Variants in CPQ observed in about 807,000 individuals in gnomAD.
The protein encoded by CPQ is Ser-Met dipeptidase.
In CPQ, 37 loss-of-function variants were observed where a neutral mutation model predicts 45.7. The observed-to-expected ratio is 0.81, with a 90% confidence interval of 0.62 to 1.07. The LOEUF is 1.07. Among genes scored for constraint, CPQ ranks in the 50% least tolerant of loss-of-function variants. The pLI is 0.00. For missense variants in CPQ, 537 were observed against 572.9 expected (o/e 0.94, Z 0.64); for synonymous variants, 186 against 205.8 (o/e 0.90, Z 0.82).
chr8:96,958,989 C>T (rs1318704323), intron 4 of CPQ, among the ~76,000 whole-genome samples: 1 of 151,484 alleles, frequency 6.6e-6, no homozygotes, highest in Non-Finnish European at 1.5e-5. Context: ...CCTCTGAACA[C>T]ACCCTGTATG....
chr8:96,985,935 A>C (rs1258963027), intron 5 of CPQ, among the ~76,000 whole-genome samples: 2 of 152,148 alleles, frequency 1.3e-5, no homozygotes, highest in Non-Finnish European at 2.9e-5. Flanking sequence ...TAAAGATATA[A>C]TTTTTCTATG....
At chr8:97,082,714 T>G (rs1810971525) in intron 7 of CPQ, among the ~76,000 whole-genome samples, 1 of 152,130 alleles carries the variant, frequency 6.6e-6, no homozygotes, top group African/African-American at 2.4e-5. Flanking sequence ...CACAGGCAAA[T>G]GAGGAGTTGA....
At chr8:96,677,249 A>G (rs948185585) in intron 1 of CPQ, among the ~76,000 whole-genome samples, 2 of 152,278 alleles carry the variant, frequency 1.3e-5, no homozygotes, top group African/African-American at 4.8e-5. Flanking sequence ...GAATCTCCAT[A>G]CTGTTTTCCA....
At chr8:97,046,248 C>A (rs1810253858) in intron 6 of CPQ, among the ~76,000 whole-genome samples, 1 of 151,764 alleles carries the variant, frequency 6.6e-6, no homozygotes, top group African/African-American at 2.4e-5. Flanking sequence ...TTTTCCTAAG[C>A]AGATCGGAAC....
intron 6 of CPQ, among the ~76,000 whole-genome samples, chr8:97,059,251 C>A (rs1238946249): frequency 6.6e-6 from 1 of 152,154 alleles, no homozygotes; most frequent in Non-Finnish European, 1.5e-5. Context: ...AGTGGCTACT[C>A]ATTCTGTTCC....
At chr8:96,764,049 G>A (rs376674304) in intron 1 of CPQ, among the ~76,000 whole-genome samples, 111 of 152,198 alleles carry the variant, frequency 7.3e-4, no homozygotes, top group African/African-American at 2.5e-3. Context: ...CCCATATAAA[G>A]AGTACAAATA....
intron 7 of CPQ, among the ~76,000 whole-genome samples, chr8:97,110,496 G>A (rs574497791): frequency 6.4e-4 from 98 of 152,178 alleles, no homozygotes; most frequent in African/African-American, 2.3e-3. Flanking sequence ...GGATTGCCAG[G>A]TCACAGGTTA....
chr8:96,741,720 A>C (rs898807308), intron 1 of CPQ, among the ~76,000 whole-genome samples: 1 of 151,402 alleles, frequency 6.6e-6, no homozygotes, highest in African/African-American at 2.4e-5. Context: ...TTCTGCCTTC[A>C]TTTCGTTATG....
chr8:96,781,623 T>C (rs1280137380), intron 1 of CPQ, among the ~76,000 whole-genome samples: 2 of 152,198 alleles, frequency 1.3e-5, no homozygotes, highest in Non-Finnish European at 2.9e-5. Context: ...TTTTCTTACA[T>C]ACAAAACACA....
intron 7 of CPQ, among the ~76,000 whole-genome samples, chr8:97,114,490 GGT>G (rs1811549717): frequency 6.6e-6 from 1 of 152,178 alleles, no homozygotes; most frequent in African/African-American, 2.4e-5. Context: ...GCACACAGTA[GGT>G]GTTCAGTATT....
intron 7 of CPQ, among the ~76,000 whole-genome samples, chr8:97,113,071 T>C (rs903551182): frequency 6.6e-6 from 1 of 151,908 alleles, no homozygotes; most frequent in African/African-American, 2.4e-5. Flanking sequence ...GGAGGGATGC[T>C]AAGGAGCAGG....
At chr8:96,757,582 T>A (rs1363974583) in intron 1 of CPQ, among the ~76,000 whole-genome samples, 1 of 151,824 alleles carries the variant, frequency 6.6e-6, no homozygotes, top group Non-Finnish European at 1.5e-5. Flanking sequence ...TTTTAAACTC[T>A]TGATTTTGTT....
At chr8:97,033,569 A>G in intron 6 of CPQ, among the ~76,000 whole-genome samples, 1 of 151,786 alleles carries the variant, frequency 6.6e-6, no homozygotes, top group Admixed American at 6.6e-5. Flanking sequence ...ATATTAGCCT[A>G]TGTAAGTATA....
Position 96,647,724 on chromosome 8 carries a change from G to A in CPQ, c.-35+2322G>A, listed in dbSNP as rs533793237. 2.0e-5 allele frequency among the ~76,000 whole-genome samples: 3 copies of A among 152,310 alleles called. No homozygotes were observed. The East Asian group carries it at 5.8e-4, about 29-fold the overall frequency. ...AAATGATGAAGACTGAATTATAGGG[G>A]AGTTGGTTGTTTTATCATTTTGAAA... is the stretch of plus-strand genomic sequence containing the variant. On this transcript the variant is annotated intron_variant, in intron 1 of 7. Coordinates refer to ENST00000220763, the MANE Select transcript of CPQ (RefSeq NM_016134.4).
At chr8:97,005,339 CA>C (rs750376043) in intron 5 of CPQ, among the ~76,000 whole-genome samples, 11 of 151,788 alleles carry the variant, frequency 7.2e-5, no homozygotes, top group Non-Finnish European at 1.6e-4. Flanking sequence ...CTCAGCCTCC[CA>C]AAATGCTGGG....
At chr8:96,872,155 A>G (rs2130875165) in intron 3 of CPQ, among the ~76,000 whole-genome samples, 1 of 152,104 alleles carries the variant, frequency 6.6e-6, no homozygotes, top group Middle Eastern at 3.4e-3. Flanking sequence ...GTACATAATG[A>G]GATATCACAG....
At chr8:96,900,380 G>A (rs1812498894) in intron 4 of CPQ, among the ~76,000 whole-genome samples, 2 of 152,184 alleles carry the variant, frequency 1.3e-5, no homozygotes, top group Non-Finnish European at 2.9e-5. Flanking sequence ...TTTTGTGGTT[G>A]CAAGAGAAAT....
chr8:97,078,764 T>TCC (rs1491152637), intron 7 of CPQ, among the ~76,000 whole-genome samples: 3 of 7,564 alleles, frequency 4.0e-4, no homozygotes, highest in Non-Finnish European at 6.8e-4. Context: ...CATTTCCATT[T>TCC]CTCTCTCTCT....
At chr8:96,823,189 T>A (rs1811333531) in intron 2 of CPQ, among the ~76,000 whole-genome samples, 1 of 151,862 alleles carries the variant, frequency 6.6e-6, no homozygotes, top group African/African-American at 2.4e-5. Flanking sequence ...CTCTAGACAG[T>A]CATCTTCCCA....
Sources: gnomAD v4.1 joint callset for allele counts (sites outside exome capture counted in the v4.1 genomes callset) on GRCh38, gnomAD v4.1.1 for gene constraint, MANE v1.5 for transcripts, NCBI Gene and HGNC (gene_info 2026-07-23, HGNC 2026-07-21) for gene names.